The following PRDM6 variants were observed in gnomAD, a reference collection of about 807,000 sequenced individuals.
PRDM6 encodes PR/SET domain 6, also known as putative histone-lysine N-methyltransferase PRDM6.
A neutral mutation model predicts 60.8 loss-of-function variants in PRDM6; 25 were observed. The observed-to-expected ratio is 0.41, with a 90% CI of 0.30 to 0.57. The LOEUF is 0.57. PRDM6 is among the 20% of genes least tolerant of loss of function. The pLI is 0.27. For synonymous variants in PRDM6, 407 were observed against 357.4 expected, an observed-to-expected ratio of 1.14 and a Z score of -1.57; for missense variants, 839 against 821.3, an observed-to-expected ratio of 1.02 and a Z score of -0.26.
intron 6 of PRDM6, among the ~76,000 whole-genome samples, chr5:123,175,748 A>G (rs369177864): frequency 4.0e-4 from 61 of 152,350 alleles, no homozygotes; most frequent in Middle Eastern, 3.4e-3. Context: ...AGGCCATGGA[A>G]GAAAAAATTA....
chr5:123,090,217 G>A lies in PRDM6; in HGVS notation c.203G>A (p.Ser68Asn). The change falls in exon 2 of 8, where the codon AGC becomes AAC. Residue 68 changes from serine to asparagine, a missense_variant. By Grantham distance (46) the Ser-to-Asn change is conservative (BLOSUM62 1). Transcript: ENST00000407847. Reference protein sequence around the residue: ...PPERAEPPPDSLRPRPASLSS... With the variant: ...PPERAEPPPDNLRPRPASLSS... ...GAGCGCGCTGAGCCTCCGCCGGACA[G>A]CCTGCGCCCGCGGCCCGCCTCTCTC... 1 of 1,474,566 alleles carries A rather than the reference G, an allele frequency of 6.8e-7. No homozygotes were observed. Among genetic ancestry groups the A allele is most frequent in the African/African-American group, 1.5e-5 (1 of 68,078 alleles). 91.3% of individuals were successfully genotyped at this position (1,474,566 alleles called of 1,614,324 possible). A position where few individuals can be genotyped will look rare whatever the true frequency, so the allele number is the denominator to read the frequency against.
At position 123,191,998 on chromosome 5, in the gene PRDM6, G is replaced by A. The variant is rs1766442363; in HGVS notation, c.*4797G>A. On this transcript the variant is annotated 3_prime_UTR_variant, in exon 8 of 8. Transcript: ENST00000407847. ...GTTTCATCAGATCAATATGTAAAAC[G>A]ATAACAAAAAATATGTCGGAAACAG... The A allele has an allele frequency of 6.6e-6, 1 of 152,044 alleles. No homozygotes were observed. Among genetic ancestry groups the A allele is most frequent in the South Asian group, 2.1e-4 (1 of 4,810 alleles). 9.4% of individuals were successfully genotyped at this position (152,044 alleles called of 1,614,324 possible).
chr5:123,113,955 T>G (rs570682), intron 3 of PRDM6, among the ~76,000 whole-genome samples: 1 of 152,102 alleles, frequency 6.6e-6, no homozygotes, highest in Non-Finnish European at 1.5e-5. Flanking sequence ...CATGAGGCAT[T>G]GTACAGGTCA....
rs978238022 is a variant in PRDM6, at chr5:123,090,069, T to C, written c.55T>C (p.Tyr19His). 6 of 1,548,116 alleles carry C rather than the reference T, an allele frequency of 3.9e-6. No homozygotes were observed. Among genetic ancestry groups the C allele is most frequent in the African/African-American group, 1.4e-5 (1 of 72,714 alleles). ...GGCCTTCCTCAAAGTGGACCCAGCCTACCTGCAGCACTGGCAGCAACTCTT... is the reference window on the plus strand; with the variant it reads ...GGCCTTCCTCAAAGTGGACCCAGCCCACCTGCAGCACTGGCAGCAACTCTT... ...GSAFLKVDPA[Y>H]LQHWQQLFPH... The change falls in exon 2 of 8, where the codon TAC (tyrosine) becomes CAC (histidine). Residue 19 changes from tyrosine to histidine, a missense_variant. By Grantham distance (83) the Tyr-to-His change is moderately conservative (BLOSUM62 2). Around this residue, in one of 2 missense-constraint regions of PRDM6, gnomAD observed 730 missense variants for 648.8 expected, o/e 1.13. Coordinates refer to ENST00000407847, the MANE Select transcript of PRDM6 (RefSeq NM_001136239.4).
chr5:123,177,655 A>C (rs1377019783), intron 6 of PRDM6, among the ~76,000 whole-genome samples: 3 of 152,196 alleles, frequency 2.0e-5, no homozygotes, highest in Non-Finnish European at 2.9e-5. Context: ...TAGGGAGCTG[A>C]CTTGTAGACA....
chr5:123,156,259 C>G (rs143486783), intron 4 of PRDM6, among the ~76,000 whole-genome samples: 36 of 152,198 alleles, frequency 2.4e-4, no homozygotes, highest in African/African-American at 8.4e-4. Context: ...TGAAGTTACT[C>G]CCACATCATT....
At chr5:123,106,462 G>C (rs1764199489) in intron 3 of PRDM6, among the ~76,000 whole-genome samples, 1 of 152,174 alleles carries the variant, frequency 6.6e-6, no homozygotes, top group Non-Finnish European at 1.5e-5. Context: ...AAAAGAGAGA[G>C]AGAGGAAAAC....
chr5:123,142,142 G>T (rs551727000), intron 3 of PRDM6, among the ~76,000 whole-genome samples: 1 of 152,178 alleles, frequency 6.6e-6, no homozygotes, highest in South Asian at 2.1e-4. Context: ...CTCTTACTGG[G>T]TATTGAAATT....
intron 3 of PRDM6, among the ~76,000 whole-genome samples, chr5:123,126,343 A>G (rs956253578): frequency 1.4e-4 from 21 of 152,182 alleles, no homozygotes; most frequent in African/African-American, 5.1e-4. Flanking sequence ...TGAAATGTCA[A>G]AGGAGGTGAG....
At chr5:123,169,700 A>C (rs1765840597) in intron 5 of PRDM6, among the ~76,000 whole-genome samples, 1 of 152,238 alleles carries the variant, frequency 6.6e-6, no homozygotes, top group African/African-American at 2.4e-5. Flanking sequence ...GATGTTCCAT[A>C]CTTGCCCAAG....
intron 6 of PRDM6, 92 bp downstream of exon 6, chr5:123,171,200 G>GCTTC: frequency 2.9e-6 from 3 of 1,032,364 alleles, no homozygotes; most frequent in Non-Finnish European, 4.2e-6. Context: ...CACAGGGGAA[G>GCTTC]CCCTGTGATT....
Position 123,099,741 on chromosome 5 carries a change from G to A in PRDM6, c.680G>A (p.Ser227Asn), listed in dbSNP as rs927793577. ...HSLRRLVGTS[S>N]AAAAAPPPEL... is the part of the protein sequence containing the mutation. ...CTGCGCCGGCTTGTGGGCACCAGCAGCGCTGCGGCCGCCGCGCCCCCGCCG... is the reference window on the plus strand; with the variant it reads ...CTGCGCCGGCTTGTGGGCACCAGCAACGCTGCGGCCGCCGCGCCCCCGCCG... Residue 227 changes from serine (S) to asparagine (N), a missense_variant, in exon 3 of 8, where the codon AGC (serine) becomes AAC (asparagine). Physicochemically the swap from Ser to Asn is conservative, Grantham distance 46. Around this residue, in one of 2 missense-constraint regions of PRDM6, gnomAD observed 730 missense variants for 648.8 expected, o/e 1.13. Transcript: ENST00000407847. The surrounding 1 kb of genome is among the most constrained non-coding windows in gnomAD (Gnocchi z 4.0). 172 of 1,543,930 alleles carry A rather than the reference G, an allele frequency of 1.1e-4. No homozygotes were observed. Among genetic ancestry groups the A allele is most frequent in the Non-Finnish European group, 1.5e-4 (166 of 1,144,228 alleles).
In PRDM6 at chr5:123,092,207, C is replaced by T. The variant is rs552791731; in HGVS notation, c.592+1601C>T. Reference sequence around the variant, plus strand: ...CCAACAGATTTCAAAAAATACTTATCTCCTACTGAATTTCTTGAATGTGTG... The same window carrying T: ...CCAACAGATTTCAAAAAATACTTATTTCCTACTGAATTTCTTGAATGTGTG... On this transcript the variant is annotated intron_variant, in intron 2 of 7. Coordinates refer to ENST00000407847, the MANE Select transcript of PRDM6 (RefSeq NM_001136239.4). Among the ~76,000 whole-genome samples, 5 of 152,322 alleles carry T rather than the reference C, an allele frequency of 3.3e-5. No homozygotes were observed. The South Asian group carries it at 1.0e-3, about 32-fold the overall frequency.
chr5:123,090,493 G>T lies in PRDM6; in HGVS notation c.479G>T (p.Gly160Val), dbSNP rs1763806959. 10 of 1,489,248 alleles carry T rather than the reference G, an allele frequency of 6.7e-6. No individual in the cohort carries two copies. The highest frequency in any genetic ancestry group is 1.5e-5 in the African/African-American group (1 of 68,442). 92.3% of individuals were successfully genotyped at this position (1,489,248 alleles called of 1,614,324 possible). Reference protein sequence around the residue: ...CGGGGGGGGEGRGAPRFRCSA... With the variant: ...CGGGGGGGGEVRGAPRFRCSA... The stretch of plus-strand genomic sequence containing the variant: ...GGTGGTGGCGGCGGCGGCGGGGAGG[G>T]TCGCGGCGCCCCGCGCTTCCGCTGC... The change falls in exon 2 of 8, where the codon GGT becomes GTT. Residue 160 changes from glycine to valine, a missense_variant. Coordinates refer to ENST00000407847, the MANE Select transcript of PRDM6 (RefSeq NM_001136239.4).
intron 6 of PRDM6, among the ~76,000 whole-genome samples, chr5:123,173,662 A>C (rs1765946843): frequency 6.6e-6 from 1 of 152,258 alleles, no homozygotes; most frequent in Admixed American, 6.5e-5. Flanking sequence ...AAAGTAATAA[A>C]ATACAATGTT....
intron 6 of PRDM6, among the ~76,000 whole-genome samples, chr5:123,176,663 C>T (rs1203147628): frequency 6.6e-6 from 1 of 152,060 alleles, no homozygotes; most frequent in Non-Finnish European, 1.5e-5. Flanking sequence ...CAGTGAGCCA[C>T]GATCACGCCA....
At chr5:123,146,874 A>G (rs779156403) in intron 3 of PRDM6, among the ~76,000 whole-genome samples, 13 of 152,210 alleles carry the variant, frequency 8.5e-5, no homozygotes, top group Non-Finnish European at 1.6e-4. Context: ...TAATAATGAA[A>G]GCTGCCCTTT....
chr5:123,185,706 A>G (rs751344990), intron 7 of PRDM6, among the ~76,000 whole-genome samples: 3 of 152,192 alleles, frequency 2.0e-5, no homozygotes, highest in Non-Finnish European at 4.4e-5. Context: ...GAAAAATCCA[A>G]ATGCGAAGTG....
chr5:123,161,452 A>G (rs976564911), intron 5 of PRDM6, among the ~76,000 whole-genome samples: 1 of 152,102 alleles, frequency 6.6e-6, no homozygotes, highest in African/African-American at 2.4e-5. Context: ...AGGGGTAAAG[A>G]GGTGCCAGGA....
Sources: allele counts gnomAD v4.1 joint callset (sites outside exome capture counted in the v4.1 genomes callset), GRCh38; gene constraint gnomAD v4.1.1; regional missense constraint gnomAD v4.1.1; non-coding constraint Gnocchi (gnomAD v3.1); transcripts MANE v1.5; gene names NCBI Gene and HGNC (gene_info 2026-07-23, HGNC 2026-07-21).